The following DLGAP1 variants were observed in gnomAD, a reference collection of about 807,000 sequenced individuals.
DLGAP1 encodes the protein disks large-associated protein 1.
In DLGAP1, 11 loss-of-function variants were observed where a neutral mutation model predicts 90.8. The observed-to-expected ratio is 0.12, with a 90% CI of 0.08 to 0.20. DLGAP1 has a LOEUF of 0.20. DLGAP1 is among the 10% of genes least tolerant of loss of function. DLGAP1 has a pLI of 1.00. For synonymous variants in DLGAP1, 558 were observed against 540.7 expected, an observed-to-expected ratio of 1.03 and a Z score of -0.44; for missense variants, 1,050 against 1,333.8, an observed-to-expected ratio of 0.79 and a Z score of 3.31.
At chr18:3,824,341 T>C (rs909882196) in intron 4 of DLGAP1, among the ~76,000 whole-genome samples, 1 of 152,204 alleles carries the variant, frequency 6.6e-6, no homozygotes, top group African/African-American at 2.4e-5. Flanking sequence ...ACATCATTCA[T>C]CAACACTAAT....
chr18:4,304,543 C>T (rs1183870007), intron 1 of DLGAP1, among the ~76,000 whole-genome samples: 1 of 152,238 alleles, frequency 6.6e-6, no homozygotes, highest in Non-Finnish European at 1.5e-5. Flanking sequence ...CTTGTCACTA[C>T]TGCAGATTTT....
At chr18:4,217,417 A>G (rs544938298) in intron 1 of DLGAP1, among the ~76,000 whole-genome samples, 1 of 152,182 alleles carries the variant, frequency 6.6e-6, no homozygotes, top group African/African-American at 2.4e-5. Flanking sequence ...TTGCTAGTAC[A>G]TGTGGTTATA....
intron 7 of DLGAP1, among the ~76,000 whole-genome samples, chr18:3,637,944 CTTTTTTTTT>C (rs56346479): frequency 2.7e-5 from 3 of 109,416 alleles, no homozygotes; most frequent in Non-Finnish European, 5.3e-5. Flanking sequence ...TGCTAGGTAG[CTTTTTTTTT>C]TTTTTTTTTT....
chr18:4,278,141 C>A (rs945682217), intron 1 of DLGAP1, among the ~76,000 whole-genome samples: 4 of 151,988 alleles, frequency 2.6e-5, no homozygotes, highest in African/African-American at 9.7e-5. Context: ...TTAAATACAG[C>A]ATGTTATGTG....
intron 7 of DLGAP1, among the ~76,000 whole-genome samples, chr18:3,642,302 A>T (rs1339070377): frequency 1.3e-5 from 2 of 152,210 alleles, no homozygotes; most frequent in South Asian, 4.1e-4. Flanking sequence ...GAAAATCCAA[A>T]ATCCAAAATG....
intron 11 of DLGAP1, among the ~76,000 whole-genome samples, chr18:3,507,321 TAAAACAAAACAAAACAAAACAAAAC>T (rs71366673): frequency 6.7e-6 from 1 of 148,162 alleles, no homozygotes; most frequent in African/African-American, 2.5e-5. Flanking sequence ...CCGTCTCTAC[TAAAACAAAACAAAACAAAACAAAAC>T]AAAACAAAAC....
intron 3 of DLGAP1, among the ~76,000 whole-genome samples, chr18:3,946,582 G>A (rs1390930305): frequency 6.6e-6 from 1 of 151,778 alleles, no homozygotes; most frequent in Non-Finnish European, 1.5e-5. Flanking sequence ...GGGTTTTCTG[G>A]GAATTTACTA....
chr18:4,438,357 G>A (rs961554827), intron 1 of DLGAP1, among the ~76,000 whole-genome samples: 4 of 150,192 alleles, frequency 2.7e-5, no homozygotes, highest in East Asian at 2.0e-4. Context: ...GTGTGAACCC[G>A]GGAGGTGGAG....
intron 7 of DLGAP1, among the ~76,000 whole-genome samples, chr18:3,637,040 A>G (rs1942609716): frequency 6.6e-6 from 1 of 152,112 alleles, no homozygotes; most frequent in African/African-American, 2.4e-5. Flanking sequence ...CATGTCTTAA[A>G]TGAGTTCATA....
intron 10 of DLGAP1, among the ~76,000 whole-genome samples, chr18:3,514,379 C>G (rs2050710842): frequency 6.6e-6 from 1 of 152,198 alleles, no homozygotes; most frequent in South Asian, 2.1e-4. Context: ...TTCTTATACC[C>G]TCAAAGTAGG....
At chr18:3,601,945 A>G (rs2057056926) in intron 7 of DLGAP1, among the ~76,000 whole-genome samples, 1 of 150,438 alleles carries the variant, frequency 6.6e-6, no homozygotes, top group Admixed American at 6.6e-5. Flanking sequence ...GGAAGCGGAG[A>G]TTGCAGTGAG....
chr18:3,630,859 T>A (rs1467482010), intron 7 of DLGAP1, among the ~76,000 whole-genome samples: 3 of 152,224 alleles, frequency 2.0e-5, no homozygotes, highest in Admixed American at 6.5e-5. Context: ...TTGCAAAAAC[T>A]AAAACACAAC....
chr18:3,870,719 G>A (rs1280130578), intron 4 of DLGAP1, among the ~76,000 whole-genome samples: 2 of 152,084 alleles, frequency 1.3e-5, no homozygotes, highest in African/African-American at 4.8e-5. Context: ...GAAGTAAGAT[G>A]AGGGATGCTG....
At chr18:3,874,367 T>C (rs1296782135) in intron 4 of DLGAP1, 11 of 1,488,588 alleles carry the variant, frequency 7.4e-6, no homozygotes, top group East Asian at 5.0e-5. Flanking sequence ...TTTCTACGGC[T>C]GAATGAATGC....
chr18:4,156,612 A>G (rs908335032), intron 1 of DLGAP1, among the ~76,000 whole-genome samples: 18 of 152,222 alleles, frequency 1.2e-4, no homozygotes, highest in African/African-American at 3.9e-4. Context: ...ATACTCAGTA[A>G]GTCATAAAAG....
At chr18:3,994,144 C>T (rs1334094127) in intron 3 of DLGAP1, among the ~76,000 whole-genome samples, 1 of 152,160 alleles carries the variant, frequency 6.6e-6, no homozygotes, top group East Asian at 1.9e-4. Context: ...CTTTTCCCTG[C>T]CTGGCACCGG....
chr18:4,425,370 C>T (rs1044069014), intron 1 of DLGAP1, among the ~76,000 whole-genome samples: 4 of 152,176 alleles, frequency 2.6e-5, no homozygotes, highest in Non-Finnish European at 5.9e-5. Flanking sequence ...CAGGCTCCAA[C>T]TGTCCTCCTG....
chr18:3,846,043 GGTGTGTGTGTGTGTGTGT>G (rs35460885), intron 4 of DLGAP1, among the ~76,000 whole-genome samples: 1 of 145,024 alleles, frequency 6.9e-6, no homozygotes, highest in Non-Finnish European at 1.5e-5. Context: ...TTGAAAGTGT[GGTGTGTGTGTGTGTGTGT>G]GTGTGTGTGT....
chr18:3,691,125 C>A (rs9954584), intron 7 of DLGAP1, among the ~76,000 whole-genome samples: 45 of 152,094 alleles, frequency 3.0e-4, no homozygotes, highest in African/African-American at 9.9e-4. Context: ...TATGCTAATT[C>A]GAAAAATCAT....
Sources: allele counts gnomAD v4.1 joint callset (sites outside exome capture counted in the v4.1 genomes callset), GRCh38; gene constraint gnomAD v4.1.1; transcripts MANE v1.5; gene names NCBI Gene and HGNC (gene_info 2026-07-23, HGNC 2026-07-21).